Variants in CRIM1 observed in about 807,000 individuals in gnomAD.
CRIM1 encodes cysteine rich transmembrane BMP regulator 1.
CRIM1 carries 32 observed loss-of-function variants against 116.4 expected under a neutral mutation model. The ratio of observed to expected loss-of-function variants is 0.27; its 90% CI spans 0.21 to 0.37. CRIM1 has a LOEUF of 0.37. Among genes scored for constraint, CRIM1 ranks in the 10% least tolerant of loss-of-function variants. The pLI is 1.00. For missense variants in CRIM1, 1,331 were observed against 1,354.8 expected (o/e 0.98, Z 0.28); for synonymous variants, 590 against 509.2 (o/e 1.16, Z -2.13).
chr2:36,540,777 A>G (rs1262859922), intron 14 of CRIM1, among the ~76,000 whole-genome samples: 1 of 152,204 alleles, frequency 6.6e-6, no homozygotes, highest in Non-Finnish European at 1.5e-5. Flanking sequence ...AGAGGCCAGG[A>G]CAGCTGTAAC....
intron 2 of CRIM1, among the ~76,000 whole-genome samples, chr2:36,425,901 A>T (rs73924826): frequency 6.6e-6 from 1 of 152,250 alleles, no homozygotes; most frequent in African/African-American, 2.4e-5. Flanking sequence ...CAGAGGATCC[A>T]TGTCATGTAG....
chr2:36,501,729 TAACA>T (rs768486500), intron 8 of CRIM1, among the ~76,000 whole-genome samples: 25 of 148,778 alleles, frequency 1.7e-4, no homozygotes, highest in South Asian at 2.1e-4. Flanking sequence ...TTCAAAAAAC[TAACA>T]AACAAAAAAA....
intron 5 of CRIM1, 137 bp downstream of exon 5, chr2:36,464,792 T>G (rs2125008716): frequency 9.9e-7 from 1 of 1,013,572 alleles, no homozygotes; most frequent in South Asian, 1.6e-5. Context: ...CTCAAAAAGG[T>G]TTGCTTAAGA....
Position 36,550,017 on chromosome 2 carries a change from A to G in CRIM1, c.*1316A>G, listed in dbSNP as rs572071759. On this transcript the variant is annotated 3_prime_UTR_variant, in exon 17 of 17. Coordinates refer to ENST00000280527, the MANE Select transcript of CRIM1 (RefSeq NM_016441.3). ...CTCATTCTACCTGCAGTTTAATTGG[A>G]AAGATGTGTGTGTGAGAGTATGTAT... 2 of 151,810 alleles carry G rather than the reference A, an allele frequency of 1.3e-5. No homozygotes were observed. Among genetic ancestry groups the G allele is most frequent in the Non-Finnish European group, 1.5e-5 (1 of 67,896 alleles). The allele number at this position is 151,810 out of a possible 1,614,324, so 9.4% of individuals were successfully genotyped here.
intron 2 of CRIM1, among the ~76,000 whole-genome samples, chr2:36,434,376 A>G (rs1309312363): frequency 6.6e-6 from 1 of 152,244 alleles, no homozygotes; most frequent in Non-Finnish European, 1.5e-5. Flanking sequence ...GCTATTGACT[A>G]AATATACAGA....
rs963103455 is a variant in CRIM1, at chr2:36,404,481, G to A, written c.505+7694G>A. On this transcript the variant is annotated intron_variant, in intron 2 of 16. Coordinates refer to ENST00000280527, the MANE Select transcript of CRIM1 (RefSeq NM_016441.3). The stretch of plus-strand genomic sequence containing the variant: ...TCAGCATTCTCTACAAGTACCTTCC[G>A]AGGCGACCGCTTTCAGTTTAGAGCT... 3.3e-5 allele frequency among the ~76,000 whole-genome samples: 5 copies of A among 152,142 alleles called. No homozygotes were observed. The South Asian group carries it at 6.2e-4, about 19-fold the overall frequency.
intron 1 of CRIM1, among the ~76,000 whole-genome samples, chr2:36,389,188 G>T (rs1671393047): frequency 6.6e-6 from 1 of 152,146 alleles, no homozygotes; most frequent in South Asian, 2.1e-4. Flanking sequence ...TTCCTGCTTT[G>T]CACTGATTGC....
intron 1 of CRIM1, among the ~76,000 whole-genome samples, chr2:36,374,920 G>A (rs1219635745): frequency 6.6e-6 from 1 of 151,628 alleles, no homozygotes; most frequent in Non-Finnish European, 1.5e-5. Context: ...GAGTATGGAA[G>A]CTTTGTAAAG....
intron 2 of CRIM1, among the ~76,000 whole-genome samples, chr2:36,401,491 A>G (rs1297719073): frequency 2.0e-5 from 3 of 152,234 alleles, no homozygotes; most frequent in Admixed American, 1.3e-4. Flanking sequence ...TGAGCACCAC[A>G]AAAGTTAAAT....
At chr2:36,510,572 C>G (rs903341038) in intron 9 of CRIM1, among the ~76,000 whole-genome samples, 1 of 152,174 alleles carries the variant, frequency 6.6e-6, no homozygotes, top group African/African-American at 2.4e-5. Context: ...ACAGTGCATC[C>G]TTAGCTGCCA....
chr2:36,455,954 A>C (rs1420686228), intron 4 of CRIM1, among the ~76,000 whole-genome samples: 2 of 152,116 alleles, frequency 1.3e-5, no homozygotes, highest in South Asian at 2.1e-4. Context: ...GATGACAAGG[A>C]TGAGAGGCTG....
chr2:36,512,945 C>T (rs1377354926), intron 10 of CRIM1, among the ~76,000 whole-genome samples: 1 of 152,138 alleles, frequency 6.6e-6, no homozygotes, highest in African/African-American at 2.4e-5. Context: ...GAGCATGCAC[C>T]CTGACCGCCG....
chr2:36,457,423 A>G (rs140941567), intron 4 of CRIM1, among the ~76,000 whole-genome samples: 156 of 152,294 alleles, frequency 1.0e-3, no homozygotes, highest in African/African-American at 3.7e-3. Flanking sequence ...AAGAAGGTAC[A>G]GTTTCTGCTC....
At chr2:36,519,899 G>A (rs896654699) in intron 12 of CRIM1, among the ~76,000 whole-genome samples, 5 of 137,074 alleles carry the variant, frequency 3.6e-5, no homozygotes, top group Non-Finnish European at 7.8e-5. Flanking sequence ...AAAAAGCATG[G>A]CAGAGAAGAG....
At position 36,550,075 on chromosome 2, in the gene CRIM1, A is replaced by C. The variant is rs3185103; in HGVS notation, c.*1374A>C. The C allele has an allele frequency of 6.8e-6, 1 of 146,212 alleles. No homozygotes were observed. Among genetic ancestry groups the C allele is most frequent in the South Asian group, 2.2e-4 (1 of 4,458 alleles). 9.1% of individuals were successfully genotyped at this position (146,212 alleles called of 1,614,324 possible). A position where few individuals can be genotyped will look rare whatever the true frequency, so the allele number is the denominator to read the frequency against. On this transcript the variant is annotated 3_prime_UTR_variant, in exon 17 of 17. Transcript: ENST00000280527. ...TGTGTGTGTGTGTGTGTGCGCGCGC[A>C]CGCACGCCTTGAGCAGTCAGCATTG...
At chr2:36,493,602 G>T (rs900325849) in intron 7 of CRIM1, among the ~76,000 whole-genome samples, 2 of 152,186 alleles carry the variant, frequency 1.3e-5, no homozygotes, top group African/African-American at 4.8e-5. Context: ...CTAATTGGTT[G>T]TCAGCTTTCC....
chr2:36,396,791 A>T lies in CRIM1; in HGVS notation c.505+4A>T. On this transcript the variant is annotated splice_donor_region_variant and intron_variant, in intron 2 of 16. Transcript: ENST00000280527. ...TCAGCTTTAAAGAGAATTGAAGGTA[A>T]GCATTAATTTTTGTTAACCATCCAG... 1 of 1,603,822 alleles carries T rather than the reference A, an allele frequency of 6.2e-7. No individual in the cohort carries two copies. The highest frequency in any genetic ancestry group is 8.5e-7 in the Non-Finnish European group (1 of 1,171,948).
intron 1 of CRIM1, among the ~76,000 whole-genome samples, chr2:36,377,055 C>G (rs1004513481): frequency 2.0e-5 from 3 of 152,194 alleles, no homozygotes; most frequent in Non-Finnish European, 2.9e-5. Context: ...TTGCCTCCCC[C>G]CATGTGGGTT....
At chr2:36,459,892 T>G in intron 4 of CRIM1, among the ~76,000 whole-genome samples, 1 of 152,142 alleles carries the variant, frequency 6.6e-6, no homozygotes, top group Non-Finnish European at 1.5e-5. Context: ...GCCCAGGAGC[T>G]CGGACTCTGA....
Sources: gnomAD v4.1 joint callset for allele counts (sites outside exome capture counted in the v4.1 genomes callset) on GRCh38, gnomAD v4.1.1 for gene constraint, MANE v1.5 for transcripts, NCBI Gene and HGNC (gene_info 2026-07-23, HGNC 2026-07-21) for gene names.